The following RIMKLB variants were observed in gnomAD, a reference collection of about 807,000 sequenced individuals.
RIMKLB encodes beta-citrylglutamate synthase B.
Under a neutral mutation model 32.0 loss-of-function variants are expected in RIMKLB, and 7 were observed. The observed-to-expected ratio is 0.22, with a 90% CI of 0.12 to 0.41. The LOEUF is 0.41. Among genes scored for constraint, RIMKLB ranks in the 10% least tolerant of loss-of-function variants. The probability of loss-of-function intolerance (pLI) is 1.00; values close to 1 mark genes in which losing one functional copy is unlikely to be tolerated. For synonymous variants in RIMKLB, 172 were observed against 185.1 expected, an observed-to-expected ratio of 0.93 and a Z score of 0.57; for missense variants, 289 against 498.7, an observed-to-expected ratio of 0.58 and a Z score of 4.00.
chr12:8,711,350 G>A (rs950286951), intron 1 of RIMKLB, among the ~76,000 whole-genome samples: 2 of 148,230 alleles, frequency 1.3e-5, no homozygotes, highest in African/African-American at 2.7e-5. Context: ...AATGGGCTAT[G>A]ATTGCACCAC....
intron 4 of RIMKLB, among the ~76,000 whole-genome samples, chr12:8,752,424 C>T (rs1172604870): frequency 4.6e-5 from 7 of 152,130 alleles, no homozygotes; most frequent in East Asian, 3.9e-4. Flanking sequence ...TGGTGGCATA[C>T]GCCTGTAATC....
Position 8,714,999 on chromosome 12 carries a change from G to A in RIMKLB, c.175+958G>A, listed in dbSNP as rs754559741. 2.6e-5 allele frequency among the ~76,000 whole-genome samples: 4 copies of A among 152,240 alleles called. No homozygotes were observed. The South Asian group carries it at 8.3e-4, about 32-fold the overall frequency. ...GTACAATAAAATCTTACCTTTATCTGCCATGGTAGGATAATTTCATTCACA... is the reference window on the plus strand; with the variant it reads ...GTACAATAAAATCTTACCTTTATCTACCATGGTAGGATAATTTCATTCACA... On this transcript the variant is annotated intron_variant, in intron 2 of 5. Coordinates refer to ENST00000535829, the MANE Select transcript of RIMKLB (RefSeq NM_001297776.2).
downstream of RIMKLB, chr12:8,777,215 C>T (rs199731936): frequency 0.012 from 8,405 of 702,612 alleles, no homozygotes; most frequent in Non-Finnish European, 0.013. Flanking sequence ...TGCTTGCTTT[C>T]TTTTTTTTTT....
chr12:8,703,202 C>T (rs1473732264), intron 1 of RIMKLB, among the ~76,000 whole-genome samples: 1 of 152,048 alleles, frequency 6.6e-6, no homozygotes, highest in African/African-American at 2.4e-5. Flanking sequence ...AGGAGAATTG[C>T]TTGAACCCAG....
intron 1 of RIMKLB, among the ~76,000 whole-genome samples, chr12:8,683,113 A>C (rs181854028): frequency 6.6e-6 from 1 of 152,276 alleles, no homozygotes; most frequent in African/African-American, 2.4e-5. Context: ...ATTGCTGATT[A>C]ATATCCCATT....
intron 2 of RIMKLB, among the ~76,000 whole-genome samples, chr12:8,714,612 G>A (rs1944653798): frequency 6.6e-6 from 1 of 152,054 alleles, no homozygotes; most frequent in Admixed American, 6.6e-5. Flanking sequence ...AACTCAATTG[G>A]TGATAAATTT....
the RIMKLB span, among the ~76,000 whole-genome samples, chr12:8,675,055 G>A: frequency 6.6e-6 from 1 of 151,802 alleles, no homozygotes; most frequent in Non-Finnish European, 1.5e-5. Flanking sequence ...TAGAGACAGG[G>A]TTTCACCATG....
At chr12:8,751,204 C>G (rs1385531280) in intron 3 of RIMKLB, among the ~76,000 whole-genome samples, 1 of 152,120 alleles carries the variant, frequency 6.6e-6, no homozygotes, top group Non-Finnish European at 1.5e-5. Flanking sequence ...AAAAGGTTAA[C>G]CAAATTAACA....
chr12:8,757,691 T>A (rs1949170372), intron 5 of RIMKLB, among the ~76,000 whole-genome samples: 1 of 152,194 alleles, frequency 6.6e-6, no homozygotes. Flanking sequence ...CCTAAACTAG[T>A]TATTATTTTA....
At chr12:8,754,186 A>G in intron 5 of RIMKLB, 93 bp downstream of exon 5, 2 of 909,682 alleles carry the variant, frequency 2.2e-6, no homozygotes, top group East Asian at 5.0e-5. Context: ...GACCTTCTTA[A>G]TAAGTTGAAA....
At chr12:8,767,755 A>C (rs1950088846) in intron 5 of RIMKLB, among the ~76,000 whole-genome samples, 1 of 152,146 alleles carries the variant, frequency 6.6e-6, no homozygotes, top group Non-Finnish European at 1.5e-5. Context: ...CAACGCTCCC[A>C]ATCCAGAAGG....
At chr12:8,766,292 CCTTT>C (rs1299376746) in intron 5 of RIMKLB, among the ~76,000 whole-genome samples, 1 of 152,126 alleles carries the variant, frequency 6.6e-6, no homozygotes, top group African/African-American at 2.4e-5. Flanking sequence ...TGTTTTCCCG[CCTTT>C]CTTGACCACA....
At chr12:8,769,370 T>C (rs928735009) in intron 5 of RIMKLB, among the ~76,000 whole-genome samples, 2 of 152,164 alleles carry the variant, frequency 1.3e-5, no homozygotes, top group Non-Finnish European at 2.9e-5. Flanking sequence ...ATATATACTC[T>C]GGTCAGGAGA....
chr12:8,715,084 C>T (rs948630807), intron 2 of RIMKLB, among the ~76,000 whole-genome samples: 2 of 152,186 alleles, frequency 1.3e-5, no homozygotes, highest in South Asian at 2.1e-4. Flanking sequence ...GAGTATCACA[C>T]TAAGTATAAT....
intron 1 of RIMKLB, among the ~76,000 whole-genome samples, chr12:8,712,943 G>T (rs1359409087): frequency 6.6e-6 from 1 of 151,964 alleles, no homozygotes; most frequent in Non-Finnish European, 1.5e-5. Context: ...AAATCGTTTT[G>T]TTGCTTGTTC....
upstream of RIMKLB, among the ~76,000 whole-genome samples, chr12:8,676,765 T>C (rs1188241241): frequency 6.6e-6 from 1 of 152,110 alleles, no homozygotes; most frequent in Non-Finnish European, 1.5e-5. Context: ...GAATATGCAA[T>C]AGCACATCAT....
chr12:8,722,717 G>A lies in RIMKLB; in HGVS notation c.175+8676G>A, dbSNP rs771309532. ...CATTGAAAATCCATTGTATAGTGCG[G>A]CCACCTTCATCAATTATCTTAGCTA... On this transcript the variant is annotated intron_variant, in intron 2 of 5. Coordinates refer to ENST00000535829, the MANE Select transcript of RIMKLB (RefSeq NM_001297776.2). Among the ~76,000 whole-genome samples, 6 of 152,338 alleles carry A rather than the reference G, an allele frequency of 3.9e-5. No individual in the cohort carries two copies. The East Asian group carries it at 9.6e-4, about 24-fold the overall frequency.
At chr12:8,735,464 A>G (rs755377633) in intron 2 of RIMKLB, among the ~76,000 whole-genome samples, 1 of 152,264 alleles carries the variant, frequency 6.6e-6, no homozygotes, top group African/African-American at 2.4e-5. Context: ...TCCTGACCTC[A>G]GGTGATCTGC....
rs190023123 is a variant in RIMKLB at position 8,684,847 on chromosome 12, T to C, written n.219+3029T>C. ...CACGTTGTCTAGGCTAGTCTTGAACTCCTGAGCTCAGGCAGTCTGCTCACC... is the reference window on the plus strand; with the variant it reads ...CACGTTGTCTAGGCTAGTCTTGAACCCCTGAGCTCAGGCAGTCTGCTCACC... On this transcript the variant is annotated intron_variant and non_coding_transcript_variant, in intron 1 of 1. Transcript: ENST00000538758. Among the ~76,000 whole-genome samples the C allele has an allele frequency of 1.6e-4, 24 of 152,314 alleles. No individual in the cohort carries two copies. In the East Asian group the frequency reaches 4.6e-3, roughly 29 times the overall value.
Sources: gnomAD v4.1 joint callset for allele counts (sites outside exome capture counted in the v4.1 genomes callset) on GRCh38, gnomAD v4.1.1 for gene constraint, MANE v1.5 for transcripts, NCBI Gene and HGNC (gene_info 2026-07-23, HGNC 2026-07-21) for gene names.